PCDH11X: variants seen among roughly 807,000 people sequenced by gnomAD.
The protein encoded by PCDH11X is protocadherin 11 X-linked.
PCDH11X carries 18 observed loss-of-function variants against 53.3 expected under a neutral mutation model. The observed-to-expected ratio is 0.34, with a 90% CI of 0.23 to 0.50. The LOEUF is 0.50. Ranked by LOEUF, PCDH11X falls within the 20% of genes least tolerant of loss-of-function variation. The pLI, the probability that PCDH11X is intolerant of heterozygous loss-of-function variation, is 0.98. For missense variants in PCDH11X, 570 were observed against 1,032.4 expected (o/e 0.55, Z 6.14); for synonymous variants, 279 against 393.3 (o/e 0.71, Z 3.44).
chrX:92,367,690 G>T (rs1228964333), intron 8 of PCDH11X, among the ~76,000 whole-genome samples: 1 of 111,544 alleles, frequency 9.0e-6, no homozygotes, highest in African/African-American at 3.3e-5. Context: ...AGGCAGGCCT[G>T]GTGGTGACAA....
chrX:92,610,694 C>T (rs1927278267), intron 10 of PCDH11X, among the ~76,000 whole-genome samples: 2 of 110,969 alleles, frequency 1.8e-5, no homozygotes, highest in Admixed American at 1.9e-4. Flanking sequence ...AATGGTGTTT[C>T]GTATGGTTCC....
rs1024663476 is a variant in PCDH11X at position 92,265,391 on chromosome X, G to A, written c.3144+2248G>A. Among the ~76,000 whole-genome samples, 19 of 110,664 alleles carry A rather than the reference G, an allele frequency of 1.7e-4. No homozygotes were observed. The South Asian group carries it at 2.7e-3, about 16-fold the overall frequency. On this transcript the variant is annotated intron_variant, in intron 8 of 10. Coordinates refer to ENST00000682573, the MANE Select transcript of PCDH11X (RefSeq NM_032968.5). ...GATGTCAAGCCGAGCTCAGGGGCCC[G>A]TGGGAAGGCGAAAATCCTGACAAAA...
intron 8 of PCDH11X, among the ~76,000 whole-genome samples, chrX:92,344,916 G>A (rs757866699): frequency 1.1e-3 from 115 of 106,825 alleles, no homozygotes; most frequent in African/African-American, 3.8e-3. Flanking sequence ...GTCTACTATC[G>A]CTTCTAAAAG....
chrX:92,468,304 A>G lies in PCDH11X; in HGVS notation c.3349A>G (p.Ile1117Val). 8.7e-7 allele frequency: 1 copy of G among 1,153,797 alleles called. No homozygotes were observed. The highest frequency in any genetic ancestry group is 2.6e-5 in the Admixed American group (1 of 38,255). The change falls in exon 10 of 11, where the codon ATA (isoleucine) becomes GTA (valine). Residue 1117 changes from isoleucine (I) to valine (V), a missense_variant. By Grantham distance (29) the Ile-to-Val change is conservative (BLOSUM62 3). This residue lies in a region of PCDH11X where 234 missense variants were observed against 296.1 expected (regional missense o/e 0.79). Coordinates refer to ENST00000682573, the MANE Select transcript of PCDH11X (RefSeq NM_032968.5). The stretch of plus-strand genomic sequence containing the variant: ...TTATTAAAATTTCTTTTTAGCTTTC[A>G]TACCTGGACTAAAGAAAGGTACAGT... ...DGNSDPESTF[I>V]PGLKKAAEIT...
intron 10 of PCDH11X, among the ~76,000 whole-genome samples, chrX:92,536,683 G>A (rs765606630): frequency 1.1e-5 from 1 of 94,780 alleles, no homozygotes; most frequent in East Asian, 3.2e-4. Context: ...TTTGAGACAG[G>A]GTCTTGTTCT....
At chrX:92,190,243 G>T (rs771374846) in intron 6 of PCDH11X, among the ~76,000 whole-genome samples, 12 of 111,172 alleles carry the variant, frequency 1.1e-4, no homozygotes, top group Admixed American at 1.9e-4. Flanking sequence ...TTTTATATCA[G>T]ATGTAAGGAA....
chrX:92,187,981 A>G (rs1372462760), intron 6 of PCDH11X, among the ~76,000 whole-genome samples: 1 of 111,733 alleles, frequency 8.9e-6, no homozygotes, highest in African/African-American at 3.3e-5. Context: ...CTGATTACAT[A>G]AAGTTATTGA....
At chrX:92,107,762 C>A (rs1299172667) in intron 6 of PCDH11X, among the ~76,000 whole-genome samples, 1 of 111,518 alleles carries the variant, frequency 9.0e-6, no homozygotes, top group African/African-American at 3.3e-5. Flanking sequence ...TATATAAAAC[C>A]GAGCTGTACC....
chrX:92,465,653 T>A (rs1316063578), intron 9 of PCDH11X, among the ~76,000 whole-genome samples: 1 of 111,652 alleles, frequency 9.0e-6, no homozygotes, highest in Non-Finnish European at 1.9e-5. Flanking sequence ...GCCAGATATT[T>A]CTAGCTCATA....
At position 91,882,813 on chromosome X, in the gene PCDH11X, T is replaced by C. The variant is rs1319508404; in HGVS notation, c.3033+3540T>C. 5.4e-6 allele frequency: 6 copies of C among 1,110,041 alleles called. No individual in the cohort carries two copies. In the East Asian group the frequency reaches 1.6e-4, roughly 30 times the overall value. 91.5% of individuals were successfully genotyped at this position (1,110,041 alleles called of 1,213,427 possible). On this transcript the variant is annotated intron_variant, in intron 6 of 10. Transcript: ENST00000682573. ...CTTTGACTCTGCATTTATATTTTGG[T>C]AATGCAAATTTTAACCATGAAGCAT...
At chrX:92,470,923 G>T (rs2073249358) in intron 10 of PCDH11X, among the ~76,000 whole-genome samples, 1 of 109,480 alleles carries the variant, frequency 9.1e-6, no homozygotes, top group South Asian at 4.0e-4. Flanking sequence ...CTGATATGTT[G>T]TTGGTTTTGG....
chrX:92,132,209 C>T (rs1198275308), intron 6 of PCDH11X, among the ~76,000 whole-genome samples: 3 of 89,490 alleles, frequency 3.4e-5, no homozygotes, highest in African/African-American at 8.6e-5. Context: ...CACTTGAACC[C>T]GGGAGGCAGA....
chrX:92,460,996 A>C, intron 9 of PCDH11X: 1 of 734,681 alleles, frequency 1.4e-6, no homozygotes, highest in Admixed American at 2.5e-5. Flanking sequence ...GAGGCCAATA[A>C]AAAGTACAGA....
chrX:92,560,797 C>T (rs1269364213), intron 10 of PCDH11X, among the ~76,000 whole-genome samples: 2 of 104,512 alleles, frequency 1.9e-5, no homozygotes, highest in Admixed American at 1.0e-4. Context: ...ACTGGTGAAA[C>T]TTTTGATGCC....
rs191287562 is a variant in PCDH11X, at chrX:91,853,961, G to C, written c.540+17917G>C. 4.6e-3 allele frequency among the ~76,000 whole-genome samples: 513 copies of C among 110,331 alleles called. 4 individuals carry two copies. Among genetic ancestry groups the C allele is most frequent in the African/African-American group, 0.016 (494 of 30,291 alleles). Reference sequence around the variant, plus strand: ...GACATGCAATTGTCATGATCACATCGTGGTAAATGGGACATCCATTCCCTC... The same window carrying C: ...GACATGCAATTGTCATGATCACATCCTGGTAAATGGGACATCCATTCCCTC... On this transcript the variant is annotated intron_variant, in intron 5 of 10. Transcript: ENST00000682573.
chrX:92,565,303 A>C (rs1298617941), intron 10 of PCDH11X, among the ~76,000 whole-genome samples: 1 of 96,135 alleles, frequency 1.0e-5, no homozygotes, highest in Non-Finnish European at 2.1e-5. Flanking sequence ...AAAAGAATGA[A>C]AACTAGTATA....
At position 92,104,809 on chromosome X, in the gene PCDH11X, G is replaced by A. The variant is rs750938448; in HGVS notation, c.3034-96566G>A. Among the ~76,000 whole-genome samples, 278 of 110,149 alleles carry A rather than the reference G, an allele frequency of 2.5e-3. 1 individual carries two copies. The highest frequency in any genetic ancestry group is 9.0e-3 in the African/African-American group (272 of 30,289). ...GGGCACGGAAATAAGGGATTGGGGTGCAGAGATAAGAGATTGGGGCGTGGA... is the reference window on the plus strand; with the variant it reads ...GGGCACGGAAATAAGGGATTGGGGTACAGAGATAAGAGATTGGGGCGTGGA... On this transcript the variant is annotated intron_variant, in intron 6 of 10. Transcript: ENST00000682573.
intron 6 of PCDH11X, among the ~76,000 whole-genome samples, chrX:91,881,351 T>C (rs1939895209): frequency 9.0e-6 from 1 of 111,500 alleles, no homozygotes; most frequent in Admixed American, 9.6e-5. Context: ...TAAATGCTAA[T>C]GAGAATCAGT....
intron 6 of PCDH11X, among the ~76,000 whole-genome samples, chrX:92,141,276 T>G (rs1361905812): frequency 3.6e-5 from 4 of 111,927 alleles, no homozygotes; most frequent in African/African-American, 1.3e-4. Context: ...TTTTCATTGT[T>G]TATGTTATTT....
Sources: allele counts gnomAD v4.1 joint callset (sites outside exome capture counted in the v4.1 genomes callset), GRCh38; gene constraint gnomAD v4.1.1; regional missense constraint gnomAD v4.1.1; transcripts MANE v1.5; gene names NCBI Gene and HGNC (gene_info 2026-07-23, HGNC 2026-07-21).